Variants in FAS observed in about 807,000 individuals in gnomAD.
FAS encodes Fas cell surface death receptor, also known as tumor necrosis factor receptor superfamily member 6.
A neutral mutation model predicts 33.2 loss-of-function variants in FAS; 5 were observed. The ratio of observed to expected loss-of-function variants is 0.15; its 90% CI spans 0.08 to 0.32. FAS has a LOEUF of 0.32. Among genes scored for constraint, FAS ranks in the 10% least tolerant of loss-of-function variants. The probability of loss-of-function intolerance (pLI) is 1.00; values close to 1 mark genes in which losing one functional copy is unlikely to be tolerated. For missense variants in FAS, 339 were observed against 386.0 expected, an observed-to-expected ratio of 0.88 and a Z score of 1.02; for synonymous variants, 131 against 130.7, an observed-to-expected ratio of 1.00 and a Z score of -0.01.
intron 1 of FAS, among the ~76,000 whole-genome samples, chr10:89,002,226 A>G (rs1020160023): frequency 2.4e-4 from 37 of 152,372 alleles, no homozygotes; most frequent in African/African-American, 8.7e-4. Context: ...TACAAATATG[A>G]AACAGCCCAG....
intron 1 of FAS, among the ~76,000 whole-genome samples, chr10:88,966,759 G>T (rs1420137438): frequency 6.6e-6 from 1 of 152,078 alleles, no homozygotes; most frequent in Non-Finnish European, 1.5e-5. Flanking sequence ...TCCTGAGCAG[G>T]TCAAAGACGT....
chr10:88,998,883 T>C (rs1847757904), intron 1 of FAS, among the ~76,000 whole-genome samples: 1 of 152,080 alleles, frequency 6.6e-6, no homozygotes, highest in Admixed American at 6.5e-5. Context: ...CGGCCGGGCA[T>C]GGTGGCTCAC....
At chr10:88,997,959 A>G (rs970688532) in intron 1 of FAS, among the ~76,000 whole-genome samples, 18 of 152,200 alleles carry the variant, frequency 1.2e-4, no homozygotes, top group African/African-American at 4.1e-4. Context: ...TCTCTTGCCT[A>G]TTTAGCTCAG....
At chr10:89,005,065 G>A (rs1295688078) in intron 2 of FAS, among the ~76,000 whole-genome samples, 1 of 151,572 alleles carries the variant, frequency 6.6e-6, no homozygotes, top group African/African-American at 2.4e-5. Flanking sequence ...TGTTGTTGAT[G>A]AATTTTGTGA....
intron 1 of FAS, among the ~76,000 whole-genome samples, chr10:88,992,197 G>A (rs1847276763): frequency 6.6e-6 from 1 of 152,102 alleles, no homozygotes; most frequent in Admixed American, 6.5e-5. Flanking sequence ...TGAGATGTCT[G>A]GGTCCATTTT....
At chr10:89,006,110 G>A (rs906496592) in intron 2 of FAS, among the ~76,000 whole-genome samples, 1 of 152,196 alleles carries the variant, frequency 6.6e-6, no homozygotes, top group African/African-American at 2.4e-5. Context: ...GAAAGAACCT[G>A]TGGTTTACTG....
chr10:88,972,762 G>A (rs953571751), intron 1 of FAS, among the ~76,000 whole-genome samples: 6 of 152,098 alleles, frequency 3.9e-5, no homozygotes, highest in Non-Finnish European at 8.8e-5. Context: ...TCATACAATG[G>A]TATGATTTTT....
At chr10:88,980,616 C>T (rs752115900) in intron 2 of FAS, among the ~76,000 whole-genome samples, 5 of 152,140 alleles carry the variant, frequency 3.3e-5, no homozygotes, top group Non-Finnish European at 5.9e-5. Context: ...AGTAGGTACT[C>T]GTAAGTATTC....
intron 1 of FAS, among the ~76,000 whole-genome samples, chr10:89,000,193 G>A (rs1398709781): frequency 2.0e-5 from 3 of 152,164 alleles, no homozygotes; most frequent in Admixed American, 6.5e-5. Context: ...GTTTGATTTA[G>A]TAAAATTATA....
In FAS at chr10:89,015,759, G is replaced by A. The variant is rs1377967506; in HGVS notation, c.*1309G>A. The A allele has an allele frequency of 2.0e-6, 1 of 489,870 alleles. No homozygotes were observed. The highest frequency in any genetic ancestry group is 3.9e-6 in the Non-Finnish European group (1 of 255,582). The allele number at this position is 489,870 out of a possible 1,614,324, so 30.3% of individuals were successfully genotyped here. ...TTGGAATTATAAAATATAGGTAAAA[G>A]TACGTAATTAAATAATGTTTTTGGT... On this transcript the variant is annotated 3_prime_UTR_variant, in exon 9 of 9. Transcript: ENST00000652046.
At chr10:89,013,719 T>C (rs1203072241) in intron 8 of FAS, among the ~76,000 whole-genome samples, 3 of 152,224 alleles carry the variant, frequency 2.0e-5, no homozygotes, top group Non-Finnish European at 2.9e-5. Flanking sequence ...TATAACAACA[T>C]ACATGATTCC....
intron 7 of FAS, chr10:89,012,423 C>G (rs1275714861): frequency 3.4e-6 from 1 of 291,750 alleles, no homozygotes; most frequent in African/African-American, 2.2e-5. Flanking sequence ...AGCAATCCTT[C>G]TGCCTCAGCC....
intron 7 of FAS, 114 bp from the exon 8 acceptor site, chr10:89,013,229 A>T: frequency 1.0e-6 from 1 of 976,164 alleles, no homozygotes; most frequent in Non-Finnish European, 1.6e-6. Flanking sequence ...TTTATACATC[A>T]AGCAACTGAT....
At chr10:89,003,476 T>C (rs1023498344) in intron 2 of FAS, among the ~76,000 whole-genome samples, 6 of 152,330 alleles carry the variant, frequency 3.9e-5, no homozygotes, top group African/African-American at 1.4e-4. Context: ...CAAAAATGAC[T>C]CATTTGTGAA....
At chr10:88,996,004 C>G (rs946568598) in intron 1 of FAS, among the ~76,000 whole-genome samples, 3 of 152,100 alleles carry the variant, frequency 2.0e-5, no homozygotes, top group African/African-American at 7.2e-5. Flanking sequence ...GTAAATTTGA[C>G]AATTTGACAT....
chr10:88,979,272 A>T (rs1846651355), intron 2 of FAS, among the ~76,000 whole-genome samples: 1 of 152,070 alleles, frequency 6.6e-6, no homozygotes, highest in African/African-American at 2.4e-5. Flanking sequence ...AGCAGAAAAA[A>T]AAAAATGAGG....
upstream of FAS, among the ~76,000 whole-genome samples, chr10:88,983,635 A>C (rs938018794): frequency 9.2e-5 from 12 of 130,778 alleles, no homozygotes; most frequent in East Asian, 4.3e-4. Context: ...AAAAAAAAAA[A>C]AAAACACACA....
chr10:89,011,122 C>T (rs1848508293), intron 6 of FAS, among the ~76,000 whole-genome samples: 1 of 152,150 alleles, frequency 6.6e-6, no homozygotes, highest in African/African-American at 2.4e-5. Flanking sequence ...TTGAGATCTC[C>T]CTATGCAAAA....
chr10:89,002,735 G>A (rs1202036582), intron 1 of FAS: 1 of 408,590 alleles, frequency 2.4e-6, no homozygotes, highest in African/African-American at 2.0e-5. Flanking sequence ...GAGAATGTAA[G>A]TGATTTTACC....
Sources: gnomAD v4.1 joint callset for allele counts (sites outside exome capture counted in the v4.1 genomes callset) on GRCh38, gnomAD v4.1.1 for gene constraint, MANE v1.5 for transcripts, NCBI Gene and HGNC (gene_info 2026-07-23, HGNC 2026-07-21) for gene names.